PCDHA5: variants seen among roughly 807,000 people sequenced by gnomAD.
PCDHA5 encodes the protein protocadherin alpha 5.
Under a neutral mutation model 61.6 loss-of-function variants are expected in PCDHA5, and 43 were observed. The ratio of observed to expected loss-of-function variants is 0.70; its 90% CI spans 0.55 to 0.90. PCDHA5 has a LOEUF of 0.90. Among genes scored for constraint, PCDHA5 ranks in the 40% least tolerant of loss-of-function variants. The pLI is 0.00. For synonymous variants in PCDHA5, 627 were observed against 543.9 expected (o/e 1.15, Z -2.13); for missense variants, 1,298 against 1,222.7 (o/e 1.06, Z -0.92).
At chr5:140,856,985 A>G (rs1463839145) in intron 1 of PCDHA5, 1 of 1,595,232 alleles carries the variant, frequency 6.3e-7, no homozygotes, top group Non-Finnish European at 8.6e-7. Flanking sequence ...TGAGGACAGT[A>G]ACACTTATGA....
intron 1 of PCDHA5, among the ~76,000 whole-genome samples, chr5:140,833,762 A>G (rs1772630796): frequency 6.6e-6 from 1 of 151,978 alleles, no homozygotes; most frequent in East Asian, 1.9e-4. Context: ...ACACACACAC[A>G]CACACCGCTT....
chr5:140,993,754 A>G (rs1253767297), intron 3 of PCDHA5, among the ~76,000 whole-genome samples: 1 of 152,170 alleles, frequency 6.6e-6, no homozygotes, highest in African/African-American at 2.4e-5. Context: ...ACTTGCCATT[A>G]TATTACAATT....
intron 1 of PCDHA5, chr5:140,843,550 T>C (rs1554140221): frequency 6.3e-7 from 1 of 1,595,798 alleles, no homozygotes; most frequent in African/African-American, 1.3e-5. Flanking sequence ...TGTGCTCCAG[T>C]GCGGTGGGGA....
At position 140,850,115 on chromosome 5, in the gene PCDHA5, G is replaced by T. The variant is rs2150468444; in HGVS notation, c.2352+25988G>T. 1.3e-5 allele frequency: 21 copies of T among 1,595,978 alleles called. 2 individuals are homozygous for T. The highest frequency in any genetic ancestry group is 2.2e-5 in the South Asian group (2 of 90,490). ...AGTTCCAGGTGAGCGCGCGCGACGC[G>T]GGCGTGCCGCCTCTGGGCAGCAACG... On this transcript the variant is annotated intron_variant, in intron 1 of 3. Coordinates refer to ENST00000529859, the MANE Select transcript of PCDHA5 (RefSeq NM_018908.3).
intron 1 of PCDHA5, chr5:140,857,217 C>T: frequency 1.9e-6 from 3 of 1,598,492 alleles, no homozygotes; most frequent in South Asian, 2.2e-5. Flanking sequence ...TCTCTGACGC[C>T]TCACGTTCCG....
chr5:140,842,233 T>C (rs2150332327), intron 1 of PCDHA5: 1 of 1,612,914 alleles, frequency 6.2e-7, no homozygotes, highest in Admixed American at 1.7e-5. Context: ...AAATAGTGAT[T>C]CGGGGTAATT....
chr5:140,829,358 T>C (rs2150166463), intron 1 of PCDHA5: 4 of 1,614,154 alleles, frequency 2.5e-6, no homozygotes, highest in Admixed American at 1.7e-5. Context: ...GGCCTATGAG[T>C]TGGTGGTAAC....
At chr5:140,977,107 T>C (rs1419522797) in intron 1 of PCDHA5, among the ~76,000 whole-genome samples, 2 of 152,166 alleles carry the variant, frequency 1.3e-5, no homozygotes, top group Non-Finnish European at 2.9e-5. Flanking sequence ...GGAAGTGAGA[T>C]TGTATAATGA....
intron 1 of PCDHA5, among the ~76,000 whole-genome samples, chr5:140,938,949 G>A (rs943956831): frequency 6.6e-6 from 1 of 152,028 alleles, no homozygotes; most frequent in Non-Finnish European, 1.5e-5. Flanking sequence ...TTCTTATAAT[G>A]CTCTAGTCGG....
At chr5:140,893,488 C>G (rs2064010316) in intron 1 of PCDHA5, among the ~76,000 whole-genome samples, 1 of 151,368 alleles carries the variant, frequency 6.6e-6, no homozygotes, top group Non-Finnish European at 1.5e-5. Flanking sequence ...CCCTGTTCTT[C>G]ACAAAAAAGA....
At chr5:140,877,304 T>C in intron 1 of PCDHA5, 3 of 1,613,926 alleles carry the variant, frequency 1.9e-6, no homozygotes, top group Non-Finnish European at 2.5e-6. Context: ...TCCTACGAGT[T>C]GCAACCGGCG....
At chr5:140,998,533 T>C (rs1362807124) in intron 3 of PCDHA5, among the ~76,000 whole-genome samples, 1 of 152,020 alleles carries the variant, frequency 6.6e-6, no homozygotes, top group Non-Finnish European at 1.5e-5. Flanking sequence ...TTTATATCCC[T>C]AATTCCTAAT....
chr5:140,981,744 G>C (rs1586900543), intron 2 of PCDHA5, among the ~76,000 whole-genome samples: 1 of 151,900 alleles, frequency 6.6e-6, no homozygotes, highest in Admixed American at 6.6e-5. Context: ...ATTAATATGA[G>C]TTAGTATTAG....
chr5:140,883,946 G>A, intron 1 of PCDHA5: 5 of 1,613,392 alleles, frequency 3.1e-6, no homozygotes, highest in Middle Eastern at 1.7e-4. Context: ...GGACGAGAAC[G>A]ACAACGCTCC....
chr5:140,843,519 G>A, intron 1 of PCDHA5: 1 of 1,595,904 alleles, frequency 6.3e-7, no homozygotes, highest in Non-Finnish European at 8.6e-7. Context: ...GGCGGGTGCC[G>A]GGCGGGCAAG....
intron 1 of PCDHA5, chr5:140,841,437 C>A (rs2150315470): frequency 1.2e-6 from 2 of 1,612,838 alleles, no homozygotes; most frequent in Non-Finnish European, 1.7e-6. Context: ...CCCGAGGAGG[C>A]CAAACACGGC....
At chr5:140,947,771 T>A (rs1167163964) in intron 1 of PCDHA5, among the ~76,000 whole-genome samples, 1 of 151,706 alleles carries the variant, frequency 6.6e-6, no homozygotes, top group Non-Finnish European at 1.5e-5. Flanking sequence ...AAAATTCTAT[T>A]GTAAATGGAT....
chr5:140,841,273 T>C, intron 1 of PCDHA5: 1 of 1,504,492 alleles, frequency 6.6e-7, no homozygotes, highest in Non-Finnish European at 8.9e-7. Flanking sequence ...GTACAGTCGT[T>C]CATCTTTATA....
At chr5:140,828,114 G>C in intron 1 of PCDHA5, 1 of 1,612,228 alleles carries the variant, frequency 6.2e-7, no homozygotes, top group African/African-American at 1.3e-5. Flanking sequence ...CCGGAGGATA[G>C]ATTGGGAAAG....
Sources: gnomAD v4.1 joint callset for allele counts (sites outside exome capture counted in the v4.1 genomes callset) on GRCh38, gnomAD v4.1.1 for gene constraint, MANE v1.5 for transcripts, NCBI Gene and HGNC (gene_info 2026-07-23, HGNC 2026-07-21) for gene names.